The following PTPN1 variants were observed in gnomAD, a reference collection of about 807,000 sequenced individuals.
The protein encoded by PTPN1 is protein tyrosine phosphatase non-receptor type 1, also known as tyrosine-protein phosphatase non-receptor type 1.
In PTPN1, 12 loss-of-function variants were observed where a neutral mutation model predicts 59.9. The ratio of observed to expected loss-of-function variants is 0.20; its 90% CI spans 0.13 to 0.32. The LOEUF (loss-of-function observed/expected upper bound fraction) is 0.32. PTPN1 is among the 10% of genes least tolerant of loss of function. The probability of loss-of-function intolerance (pLI) is 1.00; values close to 1 mark genes in which losing one functional copy is unlikely to be tolerated. For synonymous variants in PTPN1, 178 were observed against 203.6 expected, an observed-to-expected ratio of 0.87 and a Z score of 1.07; for missense variants, 356 against 549.2, an observed-to-expected ratio of 0.65 and a Z score of 3.52.
At chr20:50,517,941 C>T (rs561762958) in intron 1 of PTPN1, among the ~76,000 whole-genome samples, 9 of 152,142 alleles carry the variant, frequency 5.9e-5, no homozygotes, top group Non-Finnish European at 1.2e-4. Context: ...AAGGAAGCCT[C>T]GGCTGTGTTT....
At chr20:50,531,457 ACCTCC>A (rs2082600643) in intron 1 of PTPN1, among the ~76,000 whole-genome samples, 3 of 151,642 alleles carry the variant, frequency 2.0e-5, no homozygotes, top group Non-Finnish European at 4.4e-5. Flanking sequence ...GCTCACTGCA[ACCTCC>A]GCCTCCCGAG....
At chr20:50,560,516 C>T (rs1395456864) in intron 1 of PTPN1, among the ~76,000 whole-genome samples, 1 of 152,126 alleles carries the variant, frequency 6.6e-6, no homozygotes, top group Non-Finnish European at 1.5e-5. Flanking sequence ...ATTTTGCTTT[C>T]TCACAACTGC....
chr20:50,522,316 T>C (rs1404640273), intron 1 of PTPN1, among the ~76,000 whole-genome samples: 1 of 152,166 alleles, frequency 6.6e-6, no homozygotes, highest in African/African-American at 2.4e-5. Flanking sequence ...TGAAGTTACA[T>C]TGGGTGGGCC....
At chr20:50,556,819 C>T (rs1244305512) in intron 1 of PTPN1, among the ~76,000 whole-genome samples, 2 of 152,156 alleles carry the variant, frequency 1.3e-5, no homozygotes, top group African/African-American at 2.4e-5. Flanking sequence ...GTGGTGCATG[C>T]CTGTAATCCC....
chr20:50,564,932 T>G, intron 2 of PTPN1, 37 bp from the exon 3 acceptor site: 1 of 1,611,580 alleles, frequency 6.2e-7, no homozygotes. Context: ...ATTCAGCTTT[T>G]CCGGGATTAA....
intron 1 of PTPN1, among the ~76,000 whole-genome samples, chr20:50,512,585 T>C (rs1451297751): frequency 6.6e-6 from 1 of 152,222 alleles, no homozygotes; most frequent in East Asian, 1.9e-4. Flanking sequence ...TCTTAATGGA[T>C]TGCCACATTC....
intron 1 of PTPN1, among the ~76,000 whole-genome samples, chr20:50,517,772 T>G (rs1287514440): frequency 6.6e-6 from 1 of 152,222 alleles, no homozygotes; most frequent in Non-Finnish European, 1.5e-5. Flanking sequence ...TCTTTACTAC[T>G]CTGAATCTAG....
At chr20:50,548,499 C>T (rs751669709) in intron 1 of PTPN1, among the ~76,000 whole-genome samples, 4 of 151,588 alleles carry the variant, frequency 2.6e-5, no homozygotes, top group Non-Finnish European at 5.9e-5. Flanking sequence ...AGTCATAGCT[C>T]ACTGCAGCCT....
chr20:50,537,164 A>C (rs934931135), intron 1 of PTPN1, among the ~76,000 whole-genome samples: 2 of 152,086 alleles, frequency 1.3e-5, no homozygotes, highest in South Asian at 4.1e-4. Flanking sequence ...CTCTACTAAA[A>C]ATACAAAAAT....
chr20:50,522,120 T>TA, intron 1 of PTPN1, among the ~76,000 whole-genome samples: 1 of 152,174 alleles, frequency 6.6e-6, no homozygotes, highest in Non-Finnish European at 1.5e-5. Flanking sequence ...AAGTCTAGGA[T>TA]AAAATCATTG....
chr20:50,517,915 A>T (rs2082535973), intron 1 of PTPN1, among the ~76,000 whole-genome samples: 1 of 152,102 alleles, frequency 6.6e-6, no homozygotes, highest in Non-Finnish European at 1.5e-5. Flanking sequence ...GGTATATTTT[A>T]CTTTTACAGA....
At chr20:50,561,605 G>T in intron 2 of PTPN1, 152 bp downstream of exon 2, 1 of 518,230 alleles carries the variant, frequency 1.9e-6, no homozygotes. Flanking sequence ...AGGCATTAGA[G>T]ACTTATAGTA....
At chr20:50,523,129 C>T (rs186406481) in intron 1 of PTPN1, among the ~76,000 whole-genome samples, 3 of 151,928 alleles carry the variant, frequency 2.0e-5, no homozygotes, top group East Asian at 1.9e-4. Context: ...GGTGATTTAT[C>T]GAATGTGGGG....
In PTPN1 at chr20:50,568,299, T is replaced by A. The variant is rs991654027; in HGVS notation, c.256-81T>A. The A allele has an allele frequency of 6.9e-6, 9 of 1,303,824 alleles. No homozygotes were observed. Among genetic ancestry groups the A allele is most frequent in the Admixed American group, 3.4e-5 (2 of 58,806 alleles). The allele number at this position is 1,303,824 out of a possible 1,614,324, so 80.8% of individuals were successfully genotyped here. A position where few individuals can be genotyped will look rare whatever the true frequency, so the allele number is the denominator to read the frequency against. On this transcript the variant is annotated intron_variant, in intron 3 of 9. Transcript: ENST00000371621. This position sits in a 1 kb window ranked among gnomAD's most constrained non-coding sequence, Gnocchi z 5.6. ...GCTGTGGGGACTGAGGGCGCTGTCG[T>A]TAGCTGACTGCAGAAGGTGAGCACA...
chr20:50,556,137 A>T (rs2082724936), intron 1 of PTPN1, among the ~76,000 whole-genome samples: 1 of 150,570 alleles, frequency 6.6e-6, no homozygotes, highest in African/African-American at 2.5e-5. Context: ...ATTTACTCTT[A>T]GGTAGGTTTG....
At position 50,580,642 on chromosome 20, in the gene PTPN1, G is replaced by C. The variant is rs2082862957; in HGVS notation, c.1089-623G>C. 2.0e-5 allele frequency among the ~76,000 whole-genome samples: 3 copies of C among 152,156 alleles called. No homozygotes were observed. The South Asian group carries it at 6.2e-4, about 32-fold the overall frequency. The stretch of plus-strand genomic sequence containing the variant: ...ACTGCCGGCTGTGCCCTTGGTACCT[G>C]CTTTCTGGAGGGAAGTTTTAAGACG... On this transcript the variant is annotated intron_variant, in intron 8 of 9. Transcript: ENST00000371621.
chr20:50,539,426 T>C (rs1163892279), intron 1 of PTPN1, among the ~76,000 whole-genome samples: 2 of 152,188 alleles, frequency 1.3e-5, no homozygotes, highest in Admixed American at 6.5e-5. Flanking sequence ...ACAGTACATA[T>C]TCATAATAGT....
At chr20:50,553,987 A>G (rs937936559) in intron 1 of PTPN1, among the ~76,000 whole-genome samples, 5 of 152,196 alleles carry the variant, frequency 3.3e-5, no homozygotes, top group Admixed American at 3.3e-4. Flanking sequence ...AACAATATTA[A>G]ACAAGTCTGC....
In PTPN1 at chr20:50,584,306, C is replaced by G. The variant is rs1334748868; in HGVS notation, c.*1591C>G. The G allele has an allele frequency of 6.6e-6, 1 of 152,488 alleles. No homozygotes were observed. The highest frequency in any genetic ancestry group is 1.5e-5 in the Non-Finnish European group (1 of 68,072). 9.4% of individuals were successfully genotyped at this position (152,488 alleles called of 1,614,324 possible). A position where few individuals can be genotyped will look rare whatever the true frequency, so the allele number is the denominator to read the frequency against. ...GCTTAGGTGCCAGGCTGTAAGCATT[C>G]TGAGCTGGGCTTGTTGTTTTTAAGT... is the stretch of plus-strand genomic sequence containing the variant. On this transcript the variant is annotated 3_prime_UTR_variant, in exon 10 of 10. Transcript: ENST00000371621.
Sources: gnomAD v4.1 joint callset for allele counts (sites outside exome capture counted in the v4.1 genomes callset) on GRCh38, gnomAD v4.1.1 for gene constraint, Gnocchi (gnomAD v3.1) non-coding constraint, MANE v1.5 for transcripts, NCBI Gene and HGNC (gene_info 2026-07-23, HGNC 2026-07-21) for gene names.